TTC28: variants seen among roughly 807,000 people sequenced by gnomAD.
TTC28 encodes tetratricopeptide repeat domain 28, also known as tetratricopeptide repeat protein 28.
In TTC28, 61 loss-of-function variants were observed where a neutral mutation model predicts 198.0. The ratio of observed to expected loss-of-function variants is 0.31; its 90% CI spans 0.25 to 0.38. The LOEUF (loss-of-function observed/expected upper bound fraction) is 0.38. Among genes scored for constraint, TTC28 ranks in the 10% least tolerant of loss-of-function variants. The pLI, the probability that TTC28 is intolerant of heterozygous loss-of-function variation, is 1.00. For synonymous variants in TTC28, 1,171 were observed against 1,297.8 expected, an observed-to-expected ratio of 0.90 and a Z score of 2.10; for missense variants, 2,678 against 3,164.0, an observed-to-expected ratio of 0.85 and a Z score of 3.69.
intron 2 of TTC28, among the ~76,000 whole-genome samples, chr22:28,551,332 C>T (rs1376272206): frequency 6.6e-6 from 1 of 152,076 alleles, no homozygotes; most frequent in Non-Finnish European, 1.5e-5. Flanking sequence ...CTTATTGACA[C>T]TATTCCAAAA....
chr22:28,551,187 T>C (rs975435507), intron 2 of TTC28, among the ~76,000 whole-genome samples: 1 of 152,030 alleles, frequency 6.6e-6, no homozygotes, highest in Non-Finnish European at 1.5e-5. Context: ...CGGGAAGATA[T>C]AGAATCTCGG....
At chr22:28,450,480 A>G (rs1222628006) in intron 2 of TTC28, among the ~76,000 whole-genome samples, 1 of 152,188 alleles carries the variant, frequency 6.6e-6, no homozygotes, top group Non-Finnish European at 1.5e-5. Context: ...CATAATAATA[A>G]CACCTACCTA....
chr22:28,163,617 A>C lies in TTC28; in HGVS notation c.934-18T>G. On this transcript the variant is annotated intron_variant, in intron 5 of 22. Coordinates refer to ENST00000397906, the MANE Select transcript of TTC28 (RefSeq NM_001145418.2). The stretch of plus-strand genomic sequence containing the variant: ...GAAGCTGCCTGGAGAGAAAAGGATA[A>C]AGTGGAGAAATGAAAACACATCAGA... 1.3e-6 allele frequency: 2 copies of C among 1,498,500 alleles called. No homozygotes were observed. The highest frequency in any genetic ancestry group is 1.8e-6 in the Non-Finnish European group (2 of 1,125,206). The allele number at this position is 1,498,500 out of a possible 1,614,324, so 92.8% of individuals were successfully genotyped here.
chr22:28,110,463 T>C (rs1243165793), intron 6 of TTC28, among the ~76,000 whole-genome samples: 2 of 152,168 alleles, frequency 1.3e-5, no homozygotes, highest in African/African-American at 2.4e-5. Context: ...CAGAGTGAAA[T>C]TGCAATATTA....
chr22:28,032,190 AATATATATATATAAAAT>A lies in TTC28; in HGVS notation c.3933-1841_3933-1825del, dbSNP rs1331681080. Among the ~76,000 whole-genome samples, 475 of 72,982 alleles carry A rather than the reference AATATATATATATAAAAT, an allele frequency of 6.5e-3. 18 individuals are homozygous for A. The highest frequency in any genetic ancestry group is 0.027 in the African/African-American group (427 of 15,812). The allele number at this position is 72,982 out of a possible 152,430, so 47.9% of individuals were successfully genotyped here. A position where few individuals can be genotyped will look rare whatever the true frequency, so the allele number is the denominator to read the frequency against. On this transcript the variant is annotated intron_variant, in intron 12 of 22. Coordinates refer to ENST00000397906, the MANE Select transcript of TTC28 (RefSeq NM_001145418.2). ...TGTGTATATATATATATATATATAA[AATATATATATATAAAAT>A]ATATATATATAAAATATATATATAT...
intron 2 of TTC28, among the ~76,000 whole-genome samples, chr22:28,611,577 A>T (rs2050820563): frequency 6.8e-6 from 1 of 146,104 alleles, no homozygotes. Context: ...TTACATATGT[A>T]TACATGTGCC....
chr22:28,207,799 C>T (rs901941917), intron 5 of TTC28, among the ~76,000 whole-genome samples: 3 of 151,774 alleles, frequency 2.0e-5, no homozygotes, highest in Non-Finnish European at 4.4e-5. Flanking sequence ...CAGGAGAGCC[C>T]CATGTTTATA....
chr22:28,139,580 A>C (rs1323019110), intron 6 of TTC28, among the ~76,000 whole-genome samples: 3 of 152,230 alleles, frequency 2.0e-5, no homozygotes, highest in Non-Finnish European at 4.4e-5. Context: ...ACTTGATACC[A>C]GGAAGGAAAA....
At chr22:28,521,438 G>A (rs2048907322) in intron 2 of TTC28, among the ~76,000 whole-genome samples, 1 of 152,004 alleles carries the variant, frequency 6.6e-6, no homozygotes, top group Non-Finnish European at 1.5e-5. Context: ...TCTGTGTAAA[G>A]GTGTTAGAAA....
chr22:28,098,112 G>A (rs1363812652), intron 10 of TTC28, among the ~76,000 whole-genome samples: 1 of 152,188 alleles, frequency 6.6e-6, no homozygotes, highest in African/African-American at 2.4e-5. Context: ...GACTAGTTAA[G>A]GCCCGGGTGA....
chr22:28,206,650 TTTGCC>T (rs1382591188), intron 5 of TTC28, among the ~76,000 whole-genome samples: 4 of 152,272 alleles, frequency 2.6e-5, no homozygotes, highest in Non-Finnish European at 5.9e-5. Context: ...GGAGCTACAC[TTTGCC>T]TTGACTAGTA....
At chr22:28,037,091 A>G (rs1266345119) in intron 12 of TTC28, among the ~76,000 whole-genome samples, 7 of 152,254 alleles carry the variant, frequency 4.6e-5, no homozygotes, top group African/African-American at 1.7e-4. Context: ...CAGAGGCATA[A>G]GGAGGAGCTG....
chr22:28,216,514 T>C (rs777307140), intron 5 of TTC28, among the ~76,000 whole-genome samples: 1 of 152,154 alleles, frequency 6.6e-6, no homozygotes, highest in Non-Finnish European at 1.5e-5. Flanking sequence ...ATTGTGTTTA[T>C]ATCATCTTTG....
intron 2 of TTC28, among the ~76,000 whole-genome samples, chr22:28,417,201 C>A (rs2047179465): frequency 6.8e-6 from 1 of 146,670 alleles, no homozygotes; most frequent in South Asian, 2.1e-4. Context: ...CCAGCCTAGG[C>A]AAGAGTAATC....
At chr22:28,159,750 G>C (rs1426822388) in intron 6 of TTC28, among the ~76,000 whole-genome samples, 3 of 151,922 alleles carry the variant, frequency 2.0e-5, no homozygotes, top group African/African-American at 7.3e-5. Flanking sequence ...GTATGTCGAA[G>C]AGATATCTGT....
intron 2 of TTC28, among the ~76,000 whole-genome samples, chr22:28,543,559 G>C (rs1276909388): frequency 6.7e-6 from 1 of 149,736 alleles, no homozygotes; most frequent in Admixed American, 6.7e-5. Flanking sequence ...GGGAGGGAGG[G>C]AGAAGAGAAA....
chr22:28,487,270 T>C (rs1020915310), intron 2 of TTC28, among the ~76,000 whole-genome samples: 2 of 151,996 alleles, frequency 1.3e-5, no homozygotes, highest in Admixed American at 6.6e-5. Flanking sequence ...TCTTTGTTTT[T>C]AAAAACTGGA....
intron 2 of TTC28, among the ~76,000 whole-genome samples, chr22:28,377,585 C>A (rs1339842520): frequency 6.6e-6 from 1 of 151,966 alleles, no homozygotes; most frequent in East Asian, 1.9e-4. Context: ...TTTACACTAC[C>A]CATATTGCTT....
At chr22:28,475,732 A>C (rs80205135) in intron 2 of TTC28, among the ~76,000 whole-genome samples, 3,020 of 152,322 alleles carry the variant, frequency 0.02, 30 homozygotes, top group Non-Finnish European at 0.027. Flanking sequence ...ATGTACTTTA[A>C]GTAAATTATT....
Sources: gnomAD v4.1 joint callset for allele counts (sites outside exome capture counted in the v4.1 genomes callset) on GRCh38, gnomAD v4.1.1 for gene constraint, MANE v1.5 for transcripts, NCBI Gene and HGNC (gene_info 2026-07-23, HGNC 2026-07-21) for gene names.